The following CFAP221 variants were observed in gnomAD, a reference collection of about 807,000 sequenced individuals.
CFAP221 encodes the protein cilia and flagella associated protein 221, also known as cilia- and flagella-associated protein 221.
A neutral mutation model predicts 113.1 loss-of-function variants in CFAP221; 97 were observed. The observed-to-expected ratio is 0.86, with a 90% confidence interval of 0.73 to 1.02. CFAP221 has a LOEUF of 1.02. Ranked by LOEUF, CFAP221 falls within the 50% of genes least tolerant of loss-of-function variation. The probability of loss-of-function intolerance (pLI) is 0.00; values close to 1 mark genes in which losing one functional copy is unlikely to be tolerated. For synonymous variants in CFAP221, 331 were observed against 354.4 expected (o/e 0.93, Z 0.74); for missense variants, 1,025 against 1,013.4 (o/e 1.01, Z -0.16).
At chr2:119,627,163 C>T (rs1686369444) in intron 15 of CFAP221, among the ~76,000 whole-genome samples, 1 of 152,082 alleles carries the variant, frequency 6.6e-6, no homozygotes, top group African/African-American at 2.4e-5. Context: ...CCTTCCCCAT[C>T]CTCCCTAGGC....
chr2:119,605,983 A>G (rs574561384), intron 11 of CFAP221, among the ~76,000 whole-genome samples: 11 of 152,264 alleles, frequency 7.2e-5, no homozygotes, highest in Middle Eastern at 6.8e-3. Flanking sequence ...CTAGTAACTG[A>G]TAAATGAACA....
At chr2:119,608,392 A>G (rs984790959) in intron 11 of CFAP221, 110 bp from the exon 12 acceptor site, 3 of 730,198 alleles carry the variant, frequency 4.1e-6, no homozygotes, top group Non-Finnish European at 6.6e-6. Context: ...TGTCTCCTCC[A>G]GCATCTCAGG....
chr2:119,635,031 C>G (rs964670650), intron 19 of CFAP221, among the ~76,000 whole-genome samples: 1 of 152,084 alleles, frequency 6.6e-6, no homozygotes, highest in Non-Finnish European at 1.5e-5. Context: ...AGAAAGCAAA[C>G]AATCCAATTT....
chr2:119,587,880 G>C (rs1226921263), intron 7 of CFAP221, among the ~76,000 whole-genome samples: 3 of 152,060 alleles, frequency 2.0e-5, no homozygotes, highest in Non-Finnish European at 4.4e-5. Context: ...TACATATTTT[G>C]TCCAACAAAT....
intron 23 of CFAP221, among the ~76,000 whole-genome samples, chr2:119,653,263 C>A (rs544217929): frequency 6.6e-6 from 1 of 151,954 alleles, no homozygotes; most frequent in Non-Finnish European, 1.5e-5. Context: ...TGCCTATAAT[C>A]CCAGGTGTTT....
chr2:119,564,779 C>T (rs566749278), intron 6 of CFAP221, among the ~76,000 whole-genome samples: 7 of 152,286 alleles, frequency 4.6e-5, no homozygotes, highest in East Asian at 1.9e-4. Context: ...GCTGATGGAC[C>T]GATGGGTAGT....
intron 16 of CFAP221, among the ~76,000 whole-genome samples, chr2:119,629,149 G>A (rs971380548): frequency 6.6e-5 from 10 of 152,244 alleles, no homozygotes; most frequent in Non-Finnish European, 8.8e-5. Context: ...GCATATTAAC[G>A]TTTCATCATA....
intron 13 of CFAP221, among the ~76,000 whole-genome samples, chr2:119,612,213 T>C (rs895492506): frequency 2.0e-5 from 3 of 152,246 alleles, no homozygotes; most frequent in African/African-American, 2.4e-5. Context: ...AAATGAGTAC[T>C]GTGGCCCCAT....
chr2:119,574,549 C>T (rs764400465), intron 6 of CFAP221, among the ~76,000 whole-genome samples: 3 of 152,158 alleles, frequency 2.0e-5, no homozygotes, highest in Non-Finnish European at 2.9e-5. Flanking sequence ...CCTGGAGAGA[C>T]ACCCCTACAT....
chr2:119,636,250 A>T (rs1344579161), intron 19 of CFAP221, among the ~76,000 whole-genome samples: 2 of 152,240 alleles, frequency 1.3e-5, no homozygotes, highest in East Asian at 3.8e-4. Context: ...GAGACAACCC[A>T]TGAGCAAAGC....
At chr2:119,647,583 T>G (rs1687887280) in intron 22 of CFAP221, among the ~76,000 whole-genome samples, 1 of 152,176 alleles carries the variant, frequency 6.6e-6, no homozygotes, top group South Asian at 2.1e-4. Context: ...TTCTCCATCA[T>G]GAGCACCACA....
rs530504022 is a variant in CFAP221 at position 119,602,289 on chromosome 2, C to T, written c.791+912C>T. Among the ~76,000 whole-genome samples the T allele has an allele frequency of 5.3e-5, 8 of 152,226 alleles. No individual in the cohort carries two copies. In the South Asian group the frequency reaches 1.0e-3, roughly 20 times the overall value. ...GCTACTTGGGAGGCTGAAGCAGAAT[C>T]GCTTGAACCTGGGAGGCAGAGGTTG... On this transcript the variant is annotated intron_variant, in intron 8 of 23. Coordinates refer to ENST00000413369, the MANE Select transcript of CFAP221 (RefSeq NM_001271049.2).
At chr2:119,625,984 C>T (rs890264550) in intron 15 of CFAP221, among the ~76,000 whole-genome samples, 1 of 152,132 alleles carries the variant, frequency 6.6e-6, no homozygotes, top group Middle Eastern at 3.2e-3. Flanking sequence ...GCAAATTTAT[C>T]ATCTCACAGT....
At chr2:119,633,348 G>A (rs1294454061) in intron 19 of CFAP221, among the ~76,000 whole-genome samples, 2 of 150,386 alleles carry the variant, frequency 1.3e-5, no homozygotes, top group South Asian at 2.1e-4. Flanking sequence ...ATCCATAAAT[G>A]AAAAAAAAAT....
chr2:119,587,261 T>G (rs920556903), intron 7 of CFAP221, 39 bp downstream of exon 7: 56 of 1,348,574 alleles, frequency 4.2e-5, no homozygotes, highest in Non-Finnish European at 5.2e-5. Context: ...AAAACAAGAA[T>G]AAGCTGCATT....
chr2:119,568,266 A>T, intron 6 of CFAP221, among the ~76,000 whole-genome samples: 1 of 152,352 alleles, frequency 6.6e-6, no homozygotes, highest in South Asian at 2.1e-4. Context: ...AATTAAAAAT[A>T]AAAAATAAAA....
At chr2:119,588,966 C>T (rs1005269239) in intron 7 of CFAP221, among the ~76,000 whole-genome samples, 1 of 152,006 alleles carries the variant, frequency 6.6e-6, no homozygotes, top group Non-Finnish European at 1.5e-5. Flanking sequence ...CAAAGAAAGA[C>T]CAAGGAAGAA....
At chr2:119,566,518 C>T (rs1681639253) in intron 6 of CFAP221, among the ~76,000 whole-genome samples, 1 of 152,206 alleles carries the variant, frequency 6.6e-6, no homozygotes, top group African/African-American at 2.4e-5. Context: ...GTGCTGACTG[C>T]AGTCCAGCCT....
At chr2:119,551,315 A>G (rs553737289) in intron 3 of CFAP221, among the ~76,000 whole-genome samples, 1 of 152,358 alleles carries the variant, frequency 6.6e-6, no homozygotes, top group Non-Finnish European at 1.5e-5. Context: ...TGTGGCTGCC[A>G]TACCACAAAT....
Sources: allele counts gnomAD v4.1 joint callset (sites outside exome capture counted in the v4.1 genomes callset), GRCh38; gene constraint gnomAD v4.1.1; transcripts MANE v1.5; gene names NCBI Gene and HGNC (gene_info 2026-07-23, HGNC 2026-07-21).